The following WDR82 variants were observed in gnomAD, a reference collection of about 807,000 sequenced individuals.
The protein encoded by WDR82 is WD repeat-containing protein 82.
WDR82 carries 8 observed loss-of-function variants against 36.1 expected under a neutral mutation model. The observed-to-expected ratio is 0.22, with a 90% CI of 0.13 to 0.40. The LOEUF (loss-of-function observed/expected upper bound fraction) is 0.40, where lower values mean the gene tolerates loss of function less well. WDR82 is among the 10% of genes least tolerant of loss of function. The pLI is 1.00. For missense variants in WDR82, 185 were observed against 400.5 expected (o/e 0.46, Z 4.59); for synonymous variants, 129 against 137.8 (o/e 0.94, Z 0.45).
At chr3:52,258,438 T>C in intron 8 of WDR82, 98 bp downstream of exon 8, 3 of 1,365,682 alleles carry the variant, frequency 2.2e-6, no homozygotes, top group South Asian at 2.4e-5. Context: ...GCTTGTAATG[T>C]ACCTATGTAG....
At chr3:52,257,599 C>G in intron 8 of WDR82, 80 bp from the exon 9 acceptor site, 1 of 1,580,662 alleles carries the variant, frequency 6.3e-7, no homozygotes, top group Middle Eastern at 1.7e-4. Flanking sequence ...CACCCCACAG[C>G]AAAAATGTGC....
intron 3 of WDR82, 71 bp downstream of exon 3, chr3:52,266,881 T>C (rs1700110890): frequency 7.4e-7 from 1 of 1,352,098 alleles, no homozygotes. Context: ...ATAAGCTCTC[T>C]CTAGCCTTCT....
intron 1 of WDR82, among the ~76,000 whole-genome samples, chr3:52,271,702 C>A (rs542261547): frequency 6.6e-6 from 1 of 152,166 alleles, no homozygotes; most frequent in Non-Finnish European, 1.5e-5. Context: ...TCCTATCCTA[C>A]AGGTCAAAAG....
intron 1 of WDR82, among the ~76,000 whole-genome samples, chr3:52,274,048 G>A (rs1256682442): frequency 1.3e-5 from 2 of 152,158 alleles, no homozygotes; most frequent in Admixed American, 1.3e-4. Flanking sequence ...TGGTGATCAA[G>A]CATCAACAAG....
chr3:52,277,955 A>G (rs751079169), intron 1 of WDR82, among the ~76,000 whole-genome samples: 2 of 152,210 alleles, frequency 1.3e-5, no homozygotes, highest in Non-Finnish European at 2.9e-5. Flanking sequence ...AGTGATGCAT[A>G]GCGCTCAAAG....
intron 1 of WDR82, among the ~76,000 whole-genome samples, chr3:52,271,728 T>C (rs1700156228): frequency 6.6e-6 from 1 of 152,198 alleles, no homozygotes; most frequent in African/African-American, 2.4e-5. Context: ...GCTGAGCCTT[T>C]TAGAAGGCAA....
chr3:52,261,774 A>C (rs1700063867), intron 3 of WDR82, among the ~76,000 whole-genome samples: 1 of 152,202 alleles, frequency 6.6e-6, no homozygotes, highest in African/African-American at 2.4e-5. Context: ...GAGAGATAAC[A>C]AGTGTTGGTG....
chr3:52,257,869 A>C (rs1353654028), intron 8 of WDR82, among the ~76,000 whole-genome samples: 1 of 151,170 alleles, frequency 6.6e-6, no homozygotes. Flanking sequence ...ACAGGCCCCC[A>C]CCTTCCTGGG....
At chr3:52,266,701 G>C (rs978161317) in intron 3 of WDR82, among the ~76,000 whole-genome samples, 2 of 152,182 alleles carry the variant, frequency 1.3e-5, no homozygotes, top group African/African-American at 4.8e-5. Flanking sequence ...GCCTCCCAAA[G>C]TGCTGGGATT....
At chr3:52,278,016 T>C in intron 1 of WDR82, 185 bp downstream of exon 1, 2 of 464,400 alleles carry the variant, frequency 4.3e-6, no homozygotes, top group South Asian at 9.2e-5. Flanking sequence ...ATCGTTATCT[T>C]TTTTTTTTAA....
chr3:52,259,761 G>C lies in WDR82; in HGVS notation c.655C>G (p.Arg219Gly). Reference protein sequence around the residue: ...ILISTNGSFIRLIDAFKGVVM... With the variant: ...ILISTNGSFIGLIDAFKGVVM... ...ACTCCTTTGAATGCATCAATCAGAC[G>C]AATGAAGCTGCCGTTGGTGGAAATG... is the stretch of plus-strand genomic sequence containing the variant. Residue 219 changes from arginine (R) to glycine (G), a missense_variant, in exon 6 of 9, where the codon CGT becomes GGT. Around this residue, in one of 3 missense-constraint regions of WDR82, gnomAD observed 110 missense variants for 212.6 expected, o/e 0.52. Coordinates refer to ENST00000296490, the MANE Select transcript of WDR82 (RefSeq NM_025222.4). 6.2e-7 allele frequency: 1 copy of C among 1,614,048 alleles called. No homozygotes were observed. The highest frequency in any genetic ancestry group is 8.5e-7 in the Non-Finnish European group (1 of 1,179,976).
At chr3:52,265,680 A>G (rs1410670168) in intron 3 of WDR82, among the ~76,000 whole-genome samples, 1 of 151,530 alleles carries the variant, frequency 6.6e-6, no homozygotes, top group Non-Finnish European at 1.5e-5. Context: ...GGTTCAAGCA[A>G]TTCTCGTGCC....
chr3:52,276,998 C>A, intron 1 of WDR82, among the ~76,000 whole-genome samples: 1 of 142,728 alleles, frequency 7.0e-6, no homozygotes, highest in Non-Finnish European at 1.5e-5. Context: ...AAAAGAAGGA[C>A]ACCAGTCTAA....
chr3:52,259,363 C>T (rs1700039914), intron 6 of WDR82, 97 bp from the exon 7 acceptor site: 3 of 1,219,258 alleles, frequency 2.5e-6, no homozygotes, highest in Non-Finnish European at 3.6e-6. Flanking sequence ...ACCTTCCTTT[C>T]CATGAAACCC....
In WDR82 at chr3:52,259,212, G is replaced by C; in HGVS notation, c.754C>G (p.Gln252Glu). Residue 252 changes from glutamine to glutamate, a missense_variant, in exon 7 of 9, where the codon CAG (glutamine) becomes GAG (glutamate). By Grantham distance (29) the Gln-to-Glu change is conservative. Around this residue, in one of 3 missense-constraint regions of WDR82, gnomAD observed 110 missense variants for 212.6 expected, o/e 0.52. Transcript: ENST00000296490. The part of the protein sequence containing the change: ...TLEASFTPDS[Q>E]FIMIGSEDGK... ...GGAAACTCACCAATCATAATAAACT[G>C]AGAGTCTGGAGTAAATGAAGCCTCC... The C allele has an allele frequency of 6.2e-7, 1 of 1,614,198 alleles. No individual in the cohort carries two copies. The highest frequency in any genetic ancestry group is 8.5e-7 in the Non-Finnish European group (1 of 1,180,022).
chr3:52,274,344 G>A (rs1700181982), intron 1 of WDR82, among the ~76,000 whole-genome samples: 1 of 151,538 alleles, frequency 6.6e-6, no homozygotes, highest in Non-Finnish European at 1.5e-5. Context: ...TAGGTGAGAG[G>A]ATCGCTTGAG....
chr3:52,261,359 A>T (rs773538926), intron 4 of WDR82, 21 bp downstream of exon 4: 2 of 1,600,918 alleles, frequency 1.2e-6, no homozygotes, highest in Admixed American at 1.7e-5. Context: ...CTCAAAAAGT[A>T]TAACTGTGAG....
chr3:52,270,596 C>G, intron 2 of WDR82, 116 bp downstream of exon 2: 1 of 790,730 alleles, frequency 1.3e-6, no homozygotes, highest in Non-Finnish European at 2.0e-6. Context: ...ACATTACTAA[C>G]ATTATATGAA....
chr3:52,259,360 T>A (rs557664171), intron 6 of WDR82, 94 bp from the exon 7 acceptor site: 2 of 1,258,218 alleles, frequency 1.6e-6, no homozygotes, highest in East Asian at 4.7e-5. Flanking sequence ...ATCACCTTCC[T>A]TTCCATGAAA....
Sources: gnomAD v4.1 joint callset for allele counts (sites outside exome capture counted in the v4.1 genomes callset) on GRCh38, gnomAD v4.1.1 for gene constraint, gnomAD v4.1.1 regional missense constraint, MANE v1.5 for transcripts, NCBI Gene and HGNC (gene_info 2026-07-23, HGNC 2026-07-21) for gene names.